Variants in HIPK2 observed in about 807,000 individuals in gnomAD.
HIPK2 encodes homeodomain-interacting protein kinase 2.
In HIPK2, 27 loss-of-function variants were observed where a neutral mutation model predicts 113.7. The observed-to-expected ratio is 0.24, with a 90% CI of 0.17 to 0.33. The LOEUF (loss-of-function observed/expected upper bound fraction) is 0.33, where lower values mean the gene tolerates loss of function less well. Ranked by LOEUF, HIPK2 falls within the 10% of genes least tolerant of loss-of-function variation. The pLI is 1.00. For synonymous variants in HIPK2, 631 were observed against 642.2 expected (o/e 0.98, Z 0.26); for missense variants, 1,257 against 1,588.0 (o/e 0.79, Z 3.54).
chr7:139,752,397 C>T (rs539518533), intron 1 of HIPK2, among the ~76,000 whole-genome samples: 99 of 152,280 alleles, frequency 6.5e-4, no homozygotes, highest in Non-Finnish European at 1.2e-3. Flanking sequence ...TAATAAGATG[C>T]CCTCTGTCCG....
intron 11 of HIPK2, among the ~76,000 whole-genome samples, chr7:139,599,239 A>G (rs1799333133): frequency 6.6e-6 from 1 of 152,124 alleles, no homozygotes; most frequent in Non-Finnish European, 1.5e-5. Context: ...GGAAATCTCC[A>G]TTTTTTAAAA....
At chr7:139,712,843 T>C (rs1250823737) in intron 2 of HIPK2, among the ~76,000 whole-genome samples, 2 of 152,140 alleles carry the variant, frequency 1.3e-5, no homozygotes, top group Admixed American at 6.5e-5. Context: ...TCGATCTATA[T>C]GGTGGCAAAC....
At chr7:139,664,274 A>G (rs1283192382) in intron 2 of HIPK2, among the ~76,000 whole-genome samples, 1 of 152,138 alleles carries the variant, frequency 6.6e-6, no homozygotes, top group African/African-American at 2.4e-5. Flanking sequence ...TAGTGGCTCA[A>G]GCCTGTAATC....
chr7:139,775,039 C>A (rs1796717345), intron 1 of HIPK2, among the ~76,000 whole-genome samples: 1 of 152,184 alleles, frequency 6.6e-6, no homozygotes, highest in Non-Finnish European at 1.5e-5. Context: ...TGTATCTGGG[C>A]CTTCACCTGG....
chr7:139,680,570 G>T (rs1479614630), intron 2 of HIPK2, among the ~76,000 whole-genome samples: 1 of 152,230 alleles, frequency 6.6e-6, no homozygotes, highest in Non-Finnish European at 1.5e-5. Flanking sequence ...ATGTCCCCAG[G>T]AACAAAGTAA....
At chr7:139,758,496 C>T (rs111360759) in intron 1 of HIPK2, among the ~76,000 whole-genome samples, 7 of 152,228 alleles carry the variant, frequency 4.6e-5, no homozygotes, top group Admixed American at 2.6e-4. Context: ...CGCCCTGGCC[C>T]GGCCGCAGAC....
At chr7:139,657,353 T>C (rs1229241568) in intron 2 of HIPK2, among the ~76,000 whole-genome samples, 1 of 152,224 alleles carries the variant, frequency 6.6e-6, no homozygotes, top group African/African-American at 2.4e-5. Flanking sequence ...GTGATTATGC[T>C]GTTAGGGTGG....
At chr7:139,745,758 C>T (rs1585449675) in intron 1 of HIPK2, among the ~76,000 whole-genome samples, 2 of 152,242 alleles carry the variant, frequency 1.3e-5, no homozygotes, top group African/African-American at 4.8e-5. Flanking sequence ...CCTGCTGGCT[C>T]GAGCTCTGCC....
chr7:139,633,075 G>T (rs1034580624), intron 2 of HIPK2, among the ~76,000 whole-genome samples: 1 of 105,132 alleles, frequency 9.5e-6, no homozygotes, highest in African/African-American at 3.8e-5. Flanking sequence ...CAGCCTGGAC[G>T]ACAGAAATAG....
chr7:139,665,605 T>TCCACCCAC lies in HIPK2; in HGVS notation c.1104-33881_1104-33880insGTGGGTGG, dbSNP rs550011751. ...ATCCATCCATCCATCCATCCATCCA[T>TCCACCCAC]CCACCCATGGTGCTTAGTCACAATT... On this transcript the variant is annotated intron_variant, in intron 2 of 14. Coordinates refer to ENST00000406875, the MANE Select transcript of HIPK2 (RefSeq NM_022740.5). Among the ~76,000 whole-genome samples the TCCACCCAC allele has an allele frequency of 2.0e-5, 3 of 149,464 alleles. No individual in the cohort carries two copies. In the East Asian group the frequency reaches 5.9e-4, roughly 29 times the overall value.
intron 1 of HIPK2, among the ~76,000 whole-genome samples, chr7:139,755,213 T>G (rs1796343929): frequency 6.6e-6 from 1 of 152,202 alleles, no homozygotes; most frequent in African/African-American, 2.4e-5. Context: ...TTTAAAGAGA[T>G]GCTCTTTTTC....
chr7:139,616,088 G>C (rs1314550574), intron 7 of HIPK2, among the ~76,000 whole-genome samples: 1 of 152,062 alleles, frequency 6.6e-6, no homozygotes, highest in East Asian at 1.9e-4. Flanking sequence ...CTTAGCCCCT[G>C]TGGGTGTCCC....
intron 12 of HIPK2, 86 bp downstream of exon 12, chr7:139,596,631 T>C: frequency 6.6e-7 from 1 of 1,522,716 alleles, no homozygotes; most frequent in Non-Finnish European, 8.9e-7. Flanking sequence ...GGGATCCTTA[T>C]GTTTGATGAT....
rs571408772 is a variant in HIPK2 at position 139,716,723 on chromosome 7, G to A, written c.312C>T (p.Thr104=). ...TGTGTGGTCCGCCGAGGACTTGCCCGGTGACAGAAGTGCTGCTTGCTGAGG... is the reference window on the plus strand; with the variant it reads ...TGTGTGGTCCGCCGAGGACTTGCCCAGTGACAGAAGTGCTGCTTGCTGAGG... ...VVTSASSTSV[T]GQVLGGPHNL... The change falls in exon 2 of 15, where the codon ACC becomes ACT. Residue 104 remains threonine, a synonymous_variant. Coordinates refer to ENST00000406875, the MANE Select transcript of HIPK2 (RefSeq NM_022740.5). This position sits in a 1 kb window ranked among gnomAD's most constrained non-coding sequence, Gnocchi z 9.3. 3.7e-5 allele frequency: 59 copies of A among 1,613,894 alleles called. No individual in the cohort carries two copies. The African/African-American group carries it at 4.7e-4, about 13-fold the overall frequency.
chr7:139,770,776 G>A (rs1384725329), intron 1 of HIPK2, among the ~76,000 whole-genome samples: 2 of 152,186 alleles, frequency 1.3e-5, no homozygotes, highest in African/African-American at 4.8e-5. Context: ...AAACACAGTG[G>A]CATTTAATTG....
At chr7:139,762,095 G>A (rs766694843) in intron 1 of HIPK2, among the ~76,000 whole-genome samples, 2 of 152,184 alleles carry the variant, frequency 1.3e-5, no homozygotes, top group African/African-American at 2.4e-5. Context: ...ATCTACAGAA[G>A]GTCATCTTAG....
intron 2 of HIPK2, among the ~76,000 whole-genome samples, chr7:139,655,961 G>A (rs538381976): frequency 6.6e-6 from 1 of 152,228 alleles, no homozygotes; most frequent in African/African-American, 2.4e-5. Flanking sequence ...GGACTCAGGG[G>A]CCTTCCCTTG....
intron 1 of HIPK2, among the ~76,000 whole-genome samples, chr7:139,773,016 C>T (rs1796679342): frequency 6.6e-6 from 1 of 152,030 alleles, no homozygotes; most frequent in East Asian, 1.9e-4. Flanking sequence ...GCTTCTTTCA[C>T]TTCCCCCACC....
At chr7:139,665,812 G>T (rs1802030131) in intron 2 of HIPK2, among the ~76,000 whole-genome samples, 1 of 152,092 alleles carries the variant, frequency 6.6e-6, no homozygotes, top group Non-Finnish European at 1.5e-5. Flanking sequence ...TTTGTTCAAG[G>T]TCCTTCAGCA....
Sources: gnomAD v4.1 joint callset for allele counts (sites outside exome capture counted in the v4.1 genomes callset) on GRCh38, gnomAD v4.1.1 for gene constraint, Gnocchi (gnomAD v3.1) non-coding constraint, MANE v1.5 for transcripts, NCBI Gene and HGNC (gene_info 2026-07-23, HGNC 2026-07-21) for gene names.